The following NFAT5 variants were observed in gnomAD, a reference collection of about 807,000 sequenced individuals.
NFAT5 encodes the protein nuclear factor of activated T cells 5, also known as nuclear factor of activated T-cells 5.
A neutral mutation model predicts 166.5 loss-of-function variants in NFAT5; 31 were observed. That is an observed-to-expected ratio of 0.19 (90% CI 0.14 to 0.25). The LOEUF is 0.25. Among genes scored for constraint, NFAT5 ranks in the 10% least tolerant of loss-of-function variants. NFAT5 has a pLI of 1.00. For missense variants in NFAT5, 1,449 were observed against 1,821.8 expected (o/e 0.80, Z 3.72); for synonymous variants, 612 against 639.7 (o/e 0.96, Z 0.65).
At chr16:69,625,979 A>C (rs1056586708) in intron 2 of NFAT5, among the ~76,000 whole-genome samples, 3 of 146,804 alleles carry the variant, frequency 2.0e-5, no homozygotes, top group Non-Finnish European at 3.0e-5. Flanking sequence ...TTTTTTTTTG[A>C]AACAGGGTCT....
intron 12 of NFAT5, 82 bp downstream of exon 12, chr16:69,691,170 T>A: frequency 1.6e-6 from 2 of 1,260,060 alleles, no homozygotes; most frequent in Non-Finnish European, 2.1e-6. Flanking sequence ...ACATTATTTT[T>A]ACTTTGGATG....
chr16:69,661,941 G>A (rs2036162809), intron 7 of NFAT5, among the ~76,000 whole-genome samples: 1 of 151,944 alleles, frequency 6.6e-6, no homozygotes, highest in African/African-American at 2.4e-5. Flanking sequence ...ATTGTATATA[G>A]GCCAGGCGTG....
At chr16:69,585,323 T>C (rs1054465700) in intron 2 of NFAT5, among the ~76,000 whole-genome samples, 1 of 152,022 alleles carries the variant, frequency 6.6e-6, no homozygotes, top group Non-Finnish European at 1.5e-5. Flanking sequence ...TTTTTTTTTT[T>C]TAATTGTGTG....
intron 3 of NFAT5, among the ~76,000 whole-genome samples, chr16:69,642,423 A>G (rs969597465): frequency 5.3e-5 from 8 of 152,236 alleles, no homozygotes; most frequent in African/African-American, 1.7e-4. Context: ...ATTTAAAATA[A>G]TCTGACATTA....
intron 6 of NFAT5, among the ~76,000 whole-genome samples, chr16:69,656,920 A>G (rs1246970600): frequency 1.3e-5 from 2 of 152,120 alleles, no homozygotes; most frequent in Non-Finnish European, 2.9e-5. Flanking sequence ...TTTAAAAATT[A>G]TTTTTCCTTA....
chr16:69,577,541 TAA>T (rs1567513141), intron 2 of NFAT5, among the ~76,000 whole-genome samples: 1 of 152,128 alleles, frequency 6.6e-6, no homozygotes, highest in African/African-American at 2.4e-5. Context: ...AACAAAAAGG[TAA>T]AGAGTACGCA....
At chr16:69,613,660 C>T (rs749972597) in intron 2 of NFAT5, among the ~76,000 whole-genome samples, 1 of 152,230 alleles carries the variant, frequency 6.6e-6, no homozygotes, top group Non-Finnish European at 1.5e-5. Flanking sequence ...TCTGGTGTTA[C>T]ATCCTCTGTG....
At chr16:69,636,169 A>G (rs536403535) in intron 3 of NFAT5, among the ~76,000 whole-genome samples, 2 of 152,324 alleles carry the variant, frequency 1.3e-5, no homozygotes, top group African/African-American at 4.8e-5. Flanking sequence ...TAAAGCTCCA[A>G]AATGATCTCC....
rs2016049521 is a variant in NFAT5 at position 69,566,532 on chromosome 16, G to C, written c.73+158G>C. On this transcript the variant is annotated intron_variant, in intron 1 of 14. Coordinates refer to ENST00000349945, the MANE Select transcript of NFAT5 (RefSeq NM_138713.4). This position sits in a 1 kb window ranked among gnomAD's most constrained non-coding sequence, Gnocchi z 5.7. The stretch of plus-strand genomic sequence containing the variant: ...GAGCGGGCAGAGGCCGAAGGGATCG[G>C]GGTGACGGTGGAGGGGGCGGGCGGA... Among the ~76,000 whole-genome samples the C allele has an allele frequency of 6.6e-6, 1 of 152,128 alleles. No homozygotes were observed. Among genetic ancestry groups the C allele is most frequent in the African/African-American group, 2.4e-5 (1 of 41,448 alleles).
intron 2 of NFAT5, among the ~76,000 whole-genome samples, chr16:69,589,351 T>A (rs542487034): frequency 1.7e-4 from 26 of 152,204 alleles, no homozygotes; most frequent in Non-Finnish European, 2.4e-4. Flanking sequence ...GTTGGATGTT[T>A]CAGAGATCAT....
chr16:69,583,458 T>G (rs1365788518), intron 2 of NFAT5, among the ~76,000 whole-genome samples: 2 of 152,112 alleles, frequency 1.3e-5, no homozygotes, highest in Non-Finnish European at 2.9e-5. Flanking sequence ...CAAGTGATCC[T>G]CCCATCTCAT....
Position 69,566,672 on chromosome 16 carries a change from G to T in NFAT5, c.73+298G>T, listed in dbSNP as rs1438119355. Among the ~76,000 whole-genome samples, 1 of 150,264 alleles carries T rather than the reference G, an allele frequency of 6.7e-6. No homozygotes were observed. Among genetic ancestry groups the T allele is most frequent in the East Asian group, 2.1e-4 (1 of 4,864 alleles). On this transcript the variant is annotated intron_variant, in intron 1 of 14. Coordinates refer to ENST00000349945, the MANE Select transcript of NFAT5 (RefSeq NM_138713.4). This position sits in a 1 kb window ranked among gnomAD's most constrained non-coding sequence, Gnocchi z 5.7. ...AGCCGCTCTCAGCCCGTCCGGCCCC[G>T]CCAGGCTCCGCGAGCCGCCGGCCCC...
chr16:69,661,811 T>C (rs2036158230), intron 7 of NFAT5, among the ~76,000 whole-genome samples: 1 of 152,126 alleles, frequency 6.6e-6, no homozygotes, highest in Admixed American at 6.6e-5. Flanking sequence ...TGTGCCTAAC[T>C]CTGAAATTAA....
chr16:69,678,163 G>C (rs2036908133), intron 10 of NFAT5, among the ~76,000 whole-genome samples: 1 of 150,668 alleles, frequency 6.6e-6, no homozygotes, highest in African/African-American at 2.4e-5. Flanking sequence ...CTCAAAGACA[G>C]AAAACAAAAC....
Position 69,566,106 on chromosome 16 carries a change from G to C in NFAT5, c.-196G>C. 1.8e-6 allele frequency: 1 copy of C among 569,046 alleles called. No individual in the cohort carries two copies. Among genetic ancestry groups the C allele is most frequent in the South Asian group, 2.1e-5 (1 of 46,866 alleles). 35.2% of individuals were successfully genotyped at this position (569,046 alleles called of 1,614,324 possible). Reference sequence around the variant, plus strand: ...TGGTCACCGAGAATCAGTCCCCGTGGAGTTCCCCCTCCACCTCGCCATCGT... The same window carrying C: ...TGGTCACCGAGAATCAGTCCCCGTGCAGTTCCCCCTCCACCTCGCCATCGT... On this transcript the variant is annotated 5_prime_UTR_variant, in exon 1 of 15. Coordinates refer to ENST00000349945, the MANE Select transcript of NFAT5 (RefSeq NM_138713.4). This position sits in a 1 kb window ranked among gnomAD's most constrained non-coding sequence, Gnocchi z 5.7.
Position 69,670,007 on chromosome 16 carries a change from A to G in NFAT5, c.1400A>G (p.Lys467Arg). The change falls in exon 8 of 15, where the codon AAG becomes AGG. Residue 467 changes from lysine (K) to arginine (R), a missense_variant. Physicochemically the swap from Lys to Arg is conservative, Grantham distance 26. Transcript: ENST00000349945. Reference sequence around the variant, plus strand: ...CCAGCAGGAGTGCCAGAAATCTTAAAGAAAAGCTTGCATAGCTGTTCAGTG... The same window carrying G: ...CCAGCAGGAGTGCCAGAAATCTTAAGGAAAAGCTTGCATAGCTGTTCAGTG... ...TQPAGVPEILKKSLHSCSVKG... is the reference protein window; with the variant it reads ...TQPAGVPEILRKSLHSCSVKG... 1 of 1,607,620 alleles carries G rather than the reference A, an allele frequency of 6.2e-7. No individual in the cohort carries two copies. Among genetic ancestry groups the G allele is most frequent in the Non-Finnish European group, 8.5e-7 (1 of 1,178,340 alleles).
At chr16:69,629,087 GA>G (rs1300057433) in intron 3 of NFAT5, among the ~76,000 whole-genome samples, 1 of 151,934 alleles carries the variant, frequency 6.6e-6, no homozygotes, top group Non-Finnish European at 1.5e-5. Context: ...AAAGAAAAAA[GA>G]AAAAATATGA....
chr16:69,643,786 G>A (rs1460838527), intron 3 of NFAT5, among the ~76,000 whole-genome samples: 2 of 152,014 alleles, frequency 1.3e-5, no homozygotes, highest in Non-Finnish European at 2.9e-5. Context: ...TACAATGTAG[G>A]CACTGTGATA....
intron 3 of NFAT5, among the ~76,000 whole-genome samples, chr16:69,645,270 C>T (rs1347152570): frequency 1.3e-5 from 2 of 152,084 alleles, no homozygotes; most frequent in African/African-American, 4.8e-5. Flanking sequence ...GATAAGTTTT[C>T]CTTTAAATTG....
Sources: allele counts gnomAD v4.1 joint callset (sites outside exome capture counted in the v4.1 genomes callset), GRCh38; gene constraint gnomAD v4.1.1; non-coding constraint Gnocchi (gnomAD v3.1); transcripts MANE v1.5; gene names NCBI Gene and HGNC (gene_info 2026-07-23, HGNC 2026-07-21).